The following LRRC37A3 variants were observed in gnomAD, a reference collection of about 807,000 sequenced individuals.
The protein encoded by LRRC37A3 is leucine-rich repeat-containing protein 37A3.
A neutral mutation model predicts 106.2 loss-of-function variants in LRRC37A3; 25 were observed. The observed-to-expected ratio is 0.24, with a 90% CI of 0.17 to 0.33. The LOEUF is 0.33. Ranked by LOEUF, LRRC37A3 falls within the 10% of genes least tolerant of loss-of-function variation. The pLI is 1.00. For missense variants in LRRC37A3, 712 were observed against 1,644.9 expected (o/e 0.43, Z 9.81); for synonymous variants, 305 against 635.8 (o/e 0.48, Z 7.83).
intron 14 of LRRC37A3, 112 bp from the exon 15 acceptor site, chr17:64,854,756 G>A (rs1364230496): frequency 4.7e-5 from 75 of 1,611,752 alleles, no homozygotes; most frequent in Non-Finnish European, 6.3e-5. Flanking sequence ...TTTACCCAGG[G>A]TCCCTGTTGA....
At chr17:64,873,694 G>A (rs1973399759) in intron 8 of LRRC37A3, among the ~76,000 whole-genome samples, 1 of 150,810 alleles carries the variant, frequency 6.6e-6, no homozygotes, top group African/African-American at 2.4e-5. Context: ...ATTACAGCAG[G>A]CTGAAGACAG....
chr17:64,855,640 C>G (rs1972650394), intron 14 of LRRC37A3, among the ~76,000 whole-genome samples, 200 bp downstream of exon 14: 1 of 151,470 alleles, frequency 6.6e-6, no homozygotes, highest in Non-Finnish European at 1.5e-5. Context: ...TTCTAAAATT[C>G]TAATTAAAAC....
chr17:64,874,208 G>C (rs1051088622), intron 8 of LRRC37A3, among the ~76,000 whole-genome samples: 1 of 152,224 alleles, frequency 6.6e-6, no homozygotes, highest in Non-Finnish European at 1.5e-5. Context: ...TACCAGCACT[G>C]GCAATAGAGT....
intron 8 of LRRC37A3, among the ~76,000 whole-genome samples, chr17:64,875,138 A>G (rs1162247590): frequency 6.6e-6 from 1 of 152,208 alleles, no homozygotes; most frequent in Non-Finnish European, 1.5e-5. Context: ...AAAACTGGGC[A>G]TGGTGGTGCA....
At chr17:64,912,864 A>G (rs1471828247) in intron 2 of LRRC37A3, among the ~76,000 whole-genome samples, 1 of 146,918 alleles carries the variant, frequency 6.8e-6, no homozygotes, top group Non-Finnish European at 1.5e-5. Flanking sequence ...CCTGGGCAAC[A>G]TGGCAAAACC....
intron 2 of LRRC37A3, among the ~76,000 whole-genome samples, chr17:64,917,530 T>C (rs1341365199): frequency 5.9e-5 from 9 of 152,050 alleles, no homozygotes; most frequent in African/African-American, 2.2e-4. Context: ...TATTCAACTA[T>C]TGAACAGATA....
intron 2 of LRRC37A3, chr17:64,905,192 A>G (rs1349448211): frequency 6.1e-6 from 1 of 164,114 alleles, no homozygotes; most frequent in Non-Finnish European, 1.3e-5. Flanking sequence ...AAGACAGAAA[A>G]CCTCTGCCCA....
At chr17:64,917,444 T>C (rs1974731391) in intron 2 of LRRC37A3, among the ~76,000 whole-genome samples, 1 of 151,862 alleles carries the variant, frequency 6.6e-6, no homozygotes, top group South Asian at 2.1e-4. Flanking sequence ...ACAAGAATTG[T>C]GTTCAGACAA....
At chr17:64,872,648 A>G (rs914128124) in intron 8 of LRRC37A3, among the ~76,000 whole-genome samples, 4 of 152,238 alleles carry the variant, frequency 2.6e-5, no homozygotes, top group African/African-American at 9.6e-5. Context: ...GTTTGGGGGA[A>G]AAAAGCCTAA....
chr17:64,916,394 A>G (rs1304851976), intron 2 of LRRC37A3, among the ~76,000 whole-genome samples: 2 of 152,168 alleles, frequency 1.3e-5, no homozygotes, highest in Non-Finnish European at 2.9e-5. Flanking sequence ...ACACAGCGAG[A>G]CTCCGTCTCA....
rs1008807368 is a variant in LRRC37A3 at position 64,863,126 on chromosome 17, C to T, written c.3054-108G>A. The T allele has an allele frequency of 1.7e-5, 25 of 1,484,836 alleles. No individual in the cohort carries two copies. In the African/African-American group the frequency reaches 3.0e-4, roughly 18 times the overall value. 92.0% of individuals were successfully genotyped at this position (1,484,836 alleles called of 1,614,324 possible). A position where few individuals can be genotyped will look rare whatever the true frequency, so the allele number is the denominator to read the frequency against. On this transcript the variant is annotated intron_variant, in intron 10 of 14. Transcript: ENST00000584306. ...GGGTGGGAAAAAGGTATCATTGAAG[C>T]CTGTGGACTGGACAGTTGGGTAGGA... is the stretch of plus-strand genomic sequence containing the variant.
intron 8 of LRRC37A3, chr17:64,876,996 A>G (rs1468531225): frequency 1.3e-5 from 2 of 152,232 alleles, no homozygotes; most frequent in African/African-American, 4.8e-5. Flanking sequence ...ACCAAATTCA[A>G]CGGAGTATTC....
chr17:64,878,791 A>C (rs1326465950), intron 8 of LRRC37A3, among the ~76,000 whole-genome samples: 2 of 152,246 alleles, frequency 1.3e-5, no homozygotes, highest in African/African-American at 2.4e-5. Context: ...AAAGTTAAAC[A>C]TAAGAGTTGC....
rs139903248 is a variant in LRRC37A3 at position 64,859,449 on chromosome 17, G to A, written c.4697C>T (p.Ser1566Leu). The change falls in exon 12 of 15, where the codon TCG (serine) becomes TTG (leucine). Residue 1566 changes from serine (S) to leucine (L), a missense_variant. Coordinates refer to ENST00000584306, the MANE Select transcript of LRRC37A3 (RefSeq NM_199340.5). ...TTTCTGTGTAGTCCTCACCTCAAGCGACTTCTCTTTCTGTTCACTCTGGGC... is the reference window on the plus strand; with the variant it reads ...TTTCTGTGTAGTCCTCACCTCAAGCAACTTCTCTTTCTGTTCACTCTGGGC... ...TEAQSEQKEK[S>L]LEFTKELPGY... The A allele has an allele frequency of 2.0e-3, 3,199 of 1,592,656 alleles. 54 individuals carry two copies. In the African/African-American group the frequency reaches 0.04, roughly 20 times the overall value.
intron 8 of LRRC37A3, among the ~76,000 whole-genome samples, chr17:64,874,287 T>C (rs1025852771): frequency 2.6e-5 from 4 of 152,094 alleles, no homozygotes; most frequent in Admixed American, 2.0e-4. Flanking sequence ...GGAGCGCCTC[T>C]GCCCGGCCGC....
At chr17:64,873,502 G>A (rs1291096213) in intron 8 of LRRC37A3, among the ~76,000 whole-genome samples, 1 of 151,470 alleles carries the variant, frequency 6.6e-6, no homozygotes, top group Non-Finnish European at 1.5e-5. Flanking sequence ...TGTTCAAAGA[G>A]ATAAGAGAAA....
Position 64,854,433 on chromosome 17 carries a change from G to T in LRRC37A3, c.*166C>A, listed in dbSNP as rs971685479. ...CCTGAGCATATGTTTTCAGGTCTGG[G>T]TGACTAATTAGACTGGGAAACAAGG... On this transcript the variant is annotated 3_prime_UTR_variant, in exon 15 of 15. Transcript: ENST00000584306. The T allele has an allele frequency of 1.2e-5, 12 of 993,116 alleles. No individual in the cohort carries two copies. The African/African-American group carries it at 1.3e-4, about 11-fold the overall frequency. 61.5% of individuals were successfully genotyped at this position (993,116 alleles called of 1,614,324 possible). A position where few individuals can be genotyped will look rare whatever the true frequency, so the allele number is the denominator to read the frequency against.
chr17:64,857,669 G>A (rs573944465), intron 13 of LRRC37A3, among the ~76,000 whole-genome samples: 96 of 152,276 alleles, frequency 6.3e-4, no homozygotes, highest in African/African-American at 2.2e-3. Flanking sequence ...AAGGGACTAG[G>A]CTCAGCAGGG....
intron 8 of LRRC37A3, 33 bp from the exon 9 acceptor site, chr17:64,869,199 A>G (rs1418353574): frequency 6.2e-7 from 1 of 1,608,120 alleles, no homozygotes; most frequent in East Asian, 2.2e-5. Context: ...AATAACCTGC[A>G]TTTTCAATGT....
Sources: gnomAD v4.1 joint callset for allele counts (sites outside exome capture counted in the v4.1 genomes callset) on GRCh38, gnomAD v4.1.1 for gene constraint, MANE v1.5 for transcripts, NCBI Gene and HGNC (gene_info 2026-07-23, HGNC 2026-07-21) for gene names.